RBMS3: variants seen among roughly 807,000 people sequenced by gnomAD.
The protein encoded by RBMS3 is RNA binding motif single stranded interacting protein 3, also known as RNA-binding motif, single-stranded-interacting protein 3.
A neutral mutation model predicts 66.8 loss-of-function variants in RBMS3; 27 were observed. That is an observed-to-expected ratio of 0.40 (90% CI 0.30 to 0.56). RBMS3 has a LOEUF of 0.56. Ranked by LOEUF, RBMS3 falls within the 20% of genes least tolerant of loss-of-function variation. RBMS3 has a pLI of 0.40. For synonymous variants in RBMS3, 188 were observed against 183.0 expected (o/e 1.03, Z -0.22); for missense variants, 513 against 549.5 (o/e 0.93, Z 0.66).
chr3:29,539,230 A>T (rs1305660424), intron 3 of RBMS3, among the ~76,000 whole-genome samples: 1 of 152,250 alleles, frequency 6.6e-6, no homozygotes, highest in Non-Finnish European at 1.5e-5. Context: ...ATGCAAAAAA[A>T]TAAAGGTAAC....
At chr3:29,310,923 G>A (rs549108685) in intron 1 of RBMS3, among the ~76,000 whole-genome samples, 13 of 151,830 alleles carry the variant, frequency 8.6e-5, no homozygotes, top group African/African-American at 3.1e-4. Flanking sequence ...TAAAAGTGAA[G>A]CAAAGCTAAG....
chr3:29,947,587 G>T (rs1228121098), intron 12 of RBMS3, among the ~76,000 whole-genome samples: 2 of 151,278 alleles, frequency 1.3e-5, no homozygotes, highest in Non-Finnish European at 3.0e-5. Context: ...TTTCAAGGAG[G>T]GAAGACAGAA....
chr3:29,793,014 G>A (rs1418759986), intron 6 of RBMS3, among the ~76,000 whole-genome samples: 2 of 152,128 alleles, frequency 1.3e-5, no homozygotes, highest in Non-Finnish European at 2.9e-5. Context: ...CAAGGGGGTG[G>A]ATCACTTGAG....
chr3:29,801,735 C>G (rs4680729), intron 6 of RBMS3, among the ~76,000 whole-genome samples: 65,393 of 151,824 alleles, frequency 0.43, 14,310 homozygotes, highest in African/African-American at 0.46. Context: ...AAAATATGGT[C>G]GCCTTCTAGA....
At chr3:29,435,654 C>A (rs1002542270) in intron 2 of RBMS3, among the ~76,000 whole-genome samples, 5 of 152,152 alleles carry the variant, frequency 3.3e-5, no homozygotes, top group African/African-American at 4.8e-5. Context: ...GAATCATAGA[C>A]CTGGCCGGGC....
chr3:29,877,295 G>T (rs1010618551), intron 7 of RBMS3, among the ~76,000 whole-genome samples: 1 of 152,122 alleles, frequency 6.6e-6, no homozygotes, highest in African/African-American at 2.4e-5. Flanking sequence ...CATCTCATAG[G>T]CAGTTGGGTC....
At chr3:29,341,065 A>T (rs1198410289) in intron 1 of RBMS3, among the ~76,000 whole-genome samples, 1 of 152,076 alleles carries the variant, frequency 6.6e-6, no homozygotes, top group Non-Finnish European at 1.5e-5. Context: ...ACTAGCAATA[A>T]TCCTTTTTCT....
chr3:30,007,803 G>T lies in RBMS3; in HGVS notation c.*3941G>T, dbSNP rs981026743. On this transcript the variant is annotated 3_prime_UTR_variant, in exon 15 of 15. Coordinates refer to ENST00000383767, the MANE Select transcript of RBMS3 (RefSeq NM_001003793.3). Reference sequence around the variant, plus strand: ...TTGGTAGATTTCAACATTTCAGAATGTTACCTCCAAATTTCACTTGAATTA... The same window carrying T: ...TTGGTAGATTTCAACATTTCAGAATTTTACCTCCAAATTTCACTTGAATTA... 2.6e-5 allele frequency: 4 copies of T among 152,026 alleles called. No homozygotes were observed. Among genetic ancestry groups the T allele is most frequent in the Non-Finnish European group, 4.4e-5 (3 of 67,962 alleles). The allele number at this position is 152,026 out of a possible 1,614,324, so 9.4% of individuals were successfully genotyped here. A position where few individuals can be genotyped will look rare whatever the true frequency, so the allele number is the denominator to read the frequency against.
At chr3:29,475,470 G>C (rs1046895083) in intron 2 of RBMS3, among the ~76,000 whole-genome samples, 1 of 151,964 alleles carries the variant, frequency 6.6e-6, no homozygotes, top group African/African-American at 2.4e-5. Context: ...GGCTGGTCAC[G>C]AACCCTTGAG....
At chr3:29,486,624 A>G (rs2043330472) in intron 2 of RBMS3, among the ~76,000 whole-genome samples, 1 of 152,158 alleles carries the variant, frequency 6.6e-6, no homozygotes. Context: ...AACATTTAAC[A>G]TTTTTTGCTG....
Position 29,569,420 on chromosome 3 carries a change from A to G in RBMS3, c.308-17694A>G, listed in dbSNP as rs553816756. On this transcript the variant is annotated intron_variant, in intron 3 of 14. Coordinates refer to ENST00000383767, the MANE Select transcript of RBMS3 (RefSeq NM_001003793.3). The stretch of plus-strand genomic sequence containing the variant: ...ATCAAAATGTTCTTGGAGACAACAT[A>G]TCTTTGTTGAAAAAAAAATTCCACT... 2.6e-5 allele frequency among the ~76,000 whole-genome samples: 4 copies of G among 152,272 alleles called. No homozygotes were observed. In the East Asian group the frequency reaches 5.8e-4, roughly 22 times the overall value.
At chr3:29,858,907 T>C (rs1203357745) in intron 6 of RBMS3, among the ~76,000 whole-genome samples, 1 of 152,340 alleles carries the variant, frequency 6.6e-6, no homozygotes, top group East Asian at 1.9e-4. Context: ...TTCCTCTATG[T>C]TGTTTCTAGT....
At chr3:29,619,057 G>A (rs1039559277) in intron 4 of RBMS3, among the ~76,000 whole-genome samples, 8 of 151,996 alleles carry the variant, frequency 5.3e-5, no homozygotes, top group South Asian at 2.1e-4. Flanking sequence ...ATTTGACGTC[G>A]AAAATGATAG....
chr3:29,587,120 G>C lies in RBMS3; in HGVS notation c.314G>C (p.Gly105Ala). 6.2e-7 allele frequency: 1 copy of C among 1,606,610 alleles called. No homozygotes were observed. The highest frequency in any genetic ancestry group is 8.5e-7 in the Non-Finnish European group (1 of 1,176,760). ...DKNTNQCKGYGFVDFDSPAAA... is the reference protein window; with the variant it reads ...DKNTNQCKGYAFVDFDSPAAA... The stretch of plus-strand genomic sequence containing the variant: ...GGATTTTGTGTTTTCACAGGTTATG[G>C]TTTTGTAGATTTTGACAGTCCTGCA... Residue 105 changes from glycine (G) to alanine (A), a missense_variant, in exon 4 of 15, where the codon GGT (glycine) becomes GCT (alanine). Coordinates refer to ENST00000383767, the MANE Select transcript of RBMS3 (RefSeq NM_001003793.3).
chr3:29,485,165 C>A (rs1307558888), intron 2 of RBMS3, among the ~76,000 whole-genome samples: 2 of 152,086 alleles, frequency 1.3e-5, no homozygotes, highest in African/African-American at 2.4e-5. Flanking sequence ...AGTGTATCAA[C>A]AAATATAGTT....
chr3:29,325,777 T>C (rs1390327926), intron 1 of RBMS3, among the ~76,000 whole-genome samples: 2 of 152,122 alleles, frequency 1.3e-5, no homozygotes, highest in East Asian at 3.9e-4. Flanking sequence ...TGTCATTTTT[T>C]ACTAAAAAAC....
chr3:29,520,456 G>C (rs1004018132), intron 3 of RBMS3, among the ~76,000 whole-genome samples: 1 of 152,026 alleles, frequency 6.6e-6, no homozygotes, highest in Non-Finnish European at 1.5e-5. Context: ...GGGAAATACT[G>C]GTTTTTCGTT....
chr3:29,856,787 G>A (rs964007340), intron 6 of RBMS3, among the ~76,000 whole-genome samples: 12 of 152,100 alleles, frequency 7.9e-5, no homozygotes, highest in Admixed American at 3.9e-4. Context: ...CATAGGCGAC[G>A]TCGTTGCCAA....
At chr3:29,448,304 G>C (rs1397633877) in intron 2 of RBMS3, among the ~76,000 whole-genome samples, 1 of 152,232 alleles carries the variant, frequency 6.6e-6, no homozygotes, top group Non-Finnish European at 1.5e-5. Flanking sequence ...GAATTTAAGA[G>C]AGGAGTCATC....
Sources: allele counts gnomAD v4.1 joint callset (sites outside exome capture counted in the v4.1 genomes callset), GRCh38; gene constraint gnomAD v4.1.1; transcripts MANE v1.5; gene names NCBI Gene and HGNC (gene_info 2026-07-23, HGNC 2026-07-21).